The following ADGRL3 variants were observed in gnomAD, a reference collection of about 807,000 sequenced individuals.
ADGRL3 encodes the protein adhesion G protein-coupled receptor L3.
ADGRL3 carries 62 observed loss-of-function variants against 153.5 expected under a neutral mutation model. That is an observed-to-expected ratio of 0.40 (90% confidence interval 0.33 to 0.50). The LOEUF (loss-of-function observed/expected upper bound fraction) is 0.50. ADGRL3 is among the 20% of genes least tolerant of loss of function. The pLI, the probability that ADGRL3 is intolerant of heterozygous loss-of-function variation, is 0.47. For synonymous variants in ADGRL3, 710 were observed against 672.5 expected, an observed-to-expected ratio of 1.06 and a Z score of -0.86; for missense variants, 1,641 against 1,859.4, an observed-to-expected ratio of 0.88 and a Z score of 2.16.
chr4:61,767,424 A>C (rs1327991161), intron 8 of ADGRL3, among the ~76,000 whole-genome samples: 1 of 152,058 alleles, frequency 6.6e-6, no homozygotes, highest in Non-Finnish European at 1.5e-5. Flanking sequence ...AGACCCTTGA[A>C]AAGAACGTAA....
At chr4:61,826,963 C>CGAA (rs1554040959) in intron 9 of ADGRL3, among the ~76,000 whole-genome samples, 1 of 152,026 alleles carries the variant, frequency 6.6e-6, no homozygotes, top group Non-Finnish European at 1.5e-5. Flanking sequence ...TTCTGTTCTC[C>CGAA]GAAGATTCCG....
At chr4:61,688,742 T>C (rs2095490149) in intron 6 of ADGRL3, among the ~76,000 whole-genome samples, 1 of 152,122 alleles carries the variant, frequency 6.6e-6, no homozygotes, top group South Asian at 2.1e-4. Context: ...CCCTTGACTA[T>C]TTGTATAATT....
chr4:62,003,455 C>T (rs1324878484), intron 21 of ADGRL3, among the ~76,000 whole-genome samples: 2 of 152,002 alleles, frequency 1.3e-5, no homozygotes, highest in South Asian at 2.1e-4. Context: ...CTGTTCAGTC[C>T]TGTAATGTTT....
intron 6 of ADGRL3, among the ~76,000 whole-genome samples, chr4:61,682,496 G>T (rs1429345218): frequency 6.6e-6 from 1 of 151,464 alleles, no homozygotes; most frequent in African/African-American, 2.4e-5. Context: ...CATATATTTT[G>T]CTATCATCAT....
At chr4:61,827,183 A>C (rs941022304) in intron 9 of ADGRL3, among the ~76,000 whole-genome samples, 9 of 152,226 alleles carry the variant, frequency 5.9e-5, no homozygotes, top group Admixed American at 5.2e-4. Flanking sequence ...TAAGCATAAG[A>C]GCATTAACTG....
At position 62,075,280 on chromosome 4, in the gene ADGRL3, G is replaced by A. The variant is rs1422788175; in HGVS notation, c.*4372G>A. ...AGCTCACTGCAGCCTCAGACTCTTG[G>A]GCTCAAGTGATCCTGCTGTCTCAGC... On this transcript the variant is annotated 3_prime_UTR_variant, in exon 27 of 27. Coordinates refer to ENST00000683033, the MANE Select transcript of ADGRL3 (RefSeq NM_001387552.1). 1 of 151,996 alleles carries A rather than the reference G, an allele frequency of 6.6e-6. No homozygotes were observed. The highest frequency in any genetic ancestry group is 1.5e-5 in the Non-Finnish European group (1 of 68,058). 9.4% of individuals were successfully genotyped at this position (151,996 alleles called of 1,614,324 possible). A position where few individuals can be genotyped will look rare whatever the true frequency, so the allele number is the denominator to read the frequency against.
chr4:61,441,739 C>T (rs1203763784), intron 2 of ADGRL3, among the ~76,000 whole-genome samples: 1 of 152,106 alleles, frequency 6.6e-6, no homozygotes, highest in Non-Finnish European at 1.5e-5. Context: ...AAAGTTCTGA[C>T]TTCACATGAA....
intron 1 of ADGRL3, among the ~76,000 whole-genome samples, chr4:61,234,829 C>T (rs1253900128): frequency 1.3e-5 from 2 of 152,028 alleles, no homozygotes; most frequent in Non-Finnish European, 2.9e-5. Context: ...ATTATTTCCC[C>T]ATTGGTTGGG....
chr4:62,043,599 A>G (rs1009141407), intron 24 of ADGRL3, among the ~76,000 whole-genome samples: 9 of 152,140 alleles, frequency 5.9e-5, no homozygotes, highest in Non-Finnish European at 1.2e-4. Context: ...GCATGGTTTC[A>G]TAAGTAGTAG....
intron 13 of ADGRL3, 75 bp downstream of exon 13, chr4:61,912,832 A>G: frequency 1.5e-6 from 2 of 1,330,888 alleles, no homozygotes; most frequent in Non-Finnish European, 1.1e-6. Flanking sequence ...GACACCTGAT[A>G]GAAAAATGAT....
intron 1 of ADGRL3, among the ~76,000 whole-genome samples, chr4:61,242,925 G>A (rs908381020): frequency 6.6e-6 from 1 of 151,920 alleles, no homozygotes; most frequent in Admixed American, 6.6e-5. Context: ...GCTTTTTAGC[G>A]TGCAAACCAA....
At chr4:61,894,657 T>C (rs912083520) in intron 10 of ADGRL3, among the ~76,000 whole-genome samples, 1 of 152,212 alleles carries the variant, frequency 6.6e-6, no homozygotes, top group Non-Finnish European at 1.5e-5. Flanking sequence ...AGATATTTTC[T>C]GAAGCCCTCA....
intron 12 of ADGRL3, among the ~76,000 whole-genome samples, chr4:61,910,340 T>G (rs1260466957): frequency 6.6e-6 from 1 of 151,928 alleles, no homozygotes; most frequent in East Asian, 1.9e-4. Flanking sequence ...GTTAAAAGCT[T>G]AAATATATTC....
chr4:61,659,897 C>CAAAAAAA (rs566191178), intron 5 of ADGRL3, among the ~76,000 whole-genome samples: 1 of 109,098 alleles, frequency 9.2e-6, no homozygotes, highest in Non-Finnish European at 1.8e-5. Flanking sequence ...GTGAAGATTA[C>CAAAAAAA]AAAAAAAAAA....
At chr4:61,488,888 C>G (rs1325202355) in intron 2 of ADGRL3, among the ~76,000 whole-genome samples, 1 of 151,956 alleles carries the variant, frequency 6.6e-6, no homozygotes, top group South Asian at 2.1e-4. Flanking sequence ...CCAATTTAAT[C>G]TTCTAAAAGC....
chr4:61,219,028 C>A (rs1026695973), intron 1 of ADGRL3, among the ~76,000 whole-genome samples: 1 of 152,124 alleles, frequency 6.6e-6, no homozygotes, highest in African/African-American at 2.4e-5. Flanking sequence ...TGTGGAGAGA[C>A]CAGTTACATG....
chr4:61,204,835 A>G (rs1419459777), intron 1 of ADGRL3, among the ~76,000 whole-genome samples: 1 of 152,132 alleles, frequency 6.6e-6, no homozygotes, highest in African/African-American at 2.4e-5. Flanking sequence ...TGATGGGTAA[A>G]TGCTTTTGAT....
intron 1 of ADGRL3, among the ~76,000 whole-genome samples, chr4:61,313,360 A>G (rs185371325): frequency 5.8e-4 from 88 of 152,284 alleles, no homozygotes; most frequent in Non-Finnish European, 1.1e-3. Context: ...TGTACAACAC[A>G]AAGAGTGAGC....
At chr4:61,404,179 A>G (rs1164110012) in intron 2 of ADGRL3, among the ~76,000 whole-genome samples, 2 of 152,214 alleles carry the variant, frequency 1.3e-5, no homozygotes, top group African/African-American at 4.8e-5. Flanking sequence ...GAATAATTGC[A>G]CTAACTAATG....
Sources: allele counts gnomAD v4.1 joint callset (sites outside exome capture counted in the v4.1 genomes callset), GRCh38; gene constraint gnomAD v4.1.1; transcripts MANE v1.5; gene names NCBI Gene and HGNC (gene_info 2026-07-23, HGNC 2026-07-21).